CNTNAP5: variants seen among roughly 807,000 people sequenced by gnomAD.
CNTNAP5 encodes contactin associated protein family member 5, also known as contactin-associated protein-like 5.
In CNTNAP5, 72 loss-of-function variants were observed where a neutral mutation model predicts 150.2. That is an observed-to-expected ratio of 0.48 (90% confidence interval 0.40 to 0.58). The LOEUF (loss-of-function observed/expected upper bound fraction) is 0.58. Among genes scored for constraint, CNTNAP5 ranks in the 20% least tolerant of loss-of-function variants. The probability of loss-of-function intolerance (pLI) is 0.00; values close to 1 mark genes in which losing one functional copy is unlikely to be tolerated. For synonymous variants in CNTNAP5, 672 were observed against 619.8 expected (o/e 1.08, Z -1.25); for missense variants, 1,636 against 1,626.2 (o/e 1.01, Z -0.10).
rs144992839 is a variant in CNTNAP5, at chr2:124,253,536, A to G, written c.381+11143A>G. ...AAAGCAACAATTGCAATTCTTCGAGACAATTATAATTCATTGCTTTCCCTA... is the reference window on the plus strand; with the variant it reads ...AAAGCAACAATTGCAATTCTTCGAGGCAATTATAATTCATTGCTTTCCCTA... On this transcript the variant is annotated intron_variant, in intron 3 of 23. Transcript: ENST00000682447. 1.9e-3 allele frequency among the ~76,000 whole-genome samples: 293 copies of G among 152,318 alleles called. 1 individual carries two copies. Among genetic ancestry groups the G allele is most frequent in the African/African-American group, 6.6e-3 (276 of 41,582 alleles).
chr2:124,879,728 A>T (rs1677929497), intron 21 of CNTNAP5, among the ~76,000 whole-genome samples: 1 of 152,130 alleles, frequency 6.6e-6, no homozygotes, highest in Admixed American at 6.6e-5. Context: ...TGTTAATAAG[A>T]TCATACAACC....
At chr2:124,515,654 T>C (rs1415885910) in intron 8 of CNTNAP5, among the ~76,000 whole-genome samples, 4 of 152,284 alleles carry the variant, frequency 2.6e-5, no homozygotes, top group African/African-American at 9.6e-5. Context: ...ACACGAAAAC[T>C]TGGCCTTGGA....
chr2:124,110,691 G>A lies in CNTNAP5; in HGVS notation c.82+84959G>A, dbSNP rs75417943. Among the ~76,000 whole-genome samples, 561 of 152,302 alleles carry A rather than the reference G, an allele frequency of 3.7e-3. 5 individuals carry two copies. Among genetic ancestry groups the A allele is most frequent in the African/African-American group, 0.013 (533 of 41,564 alleles). On this transcript the variant is annotated intron_variant, in intron 1 of 23. Transcript: ENST00000682447. ...TATAGACAATAAAACTGAGGCTCAA[G>A]TAGCTTAGGTAGTTTCCGAGGGCCA... is the stretch of plus-strand genomic sequence containing the variant.
chr2:124,097,135 T>C (rs1682956421), intron 1 of CNTNAP5, among the ~76,000 whole-genome samples: 1 of 152,212 alleles, frequency 6.6e-6, no homozygotes, highest in Admixed American at 6.5e-5. Context: ...TGTTTACATA[T>C]ATTATCTCCT....
At chr2:124,245,074 C>T (rs138104300) in intron 3 of CNTNAP5, among the ~76,000 whole-genome samples, 2 of 152,054 alleles carry the variant, frequency 1.3e-5, no homozygotes, top group African/African-American at 4.8e-5. Context: ...ATTTACTTTT[C>T]TCACCTCAAA....
intron 1 of CNTNAP5, among the ~76,000 whole-genome samples, chr2:124,100,115 A>G (rs986295977): frequency 1.4e-5 from 2 of 145,042 alleles, no homozygotes; most frequent in African/African-American, 5.0e-5. Flanking sequence ...AGGCCTCAGG[A>G]AGCTTCCAAT....
rs189433480 is a variant in CNTNAP5 at position 124,172,862 on chromosome 2, T to G, written c.83-48843T>G. Reference sequence around the variant, plus strand: ...CAGTAATATATACAGGGCACCTCACTTTTTTGCACTCTGCTTTATTTCACT... The same window carrying G: ...CAGTAATATATACAGGGCACCTCACGTTTTTGCACTCTGCTTTATTTCACT... On this transcript the variant is annotated intron_variant, in intron 1 of 23. Transcript: ENST00000682447. Among the ~76,000 whole-genome samples the G allele has an allele frequency of 2.6e-5, 4 of 152,226 alleles. No homozygotes were observed. In the East Asian group the frequency reaches 7.7e-4, roughly 29 times the overall value.
At chr2:124,545,454 C>A (rs1040120724) in intron 10 of CNTNAP5, among the ~76,000 whole-genome samples, 1 of 152,008 alleles carries the variant, frequency 6.6e-6, no homozygotes, top group Non-Finnish European at 1.5e-5. Context: ...TTTGGAAAAC[C>A]TAAGAAGCTA....
At chr2:124,848,177 G>A (rs568675645) in intron 19 of CNTNAP5, among the ~76,000 whole-genome samples, 88 of 151,976 alleles carry the variant, frequency 5.8e-4, no homozygotes, top group Non-Finnish European at 1.1e-3. Flanking sequence ...ACATCCTCTC[G>A]TTTCCCCAAA....
At chr2:124,551,380 G>A (rs1282800628) in intron 10 of CNTNAP5, among the ~76,000 whole-genome samples, 2 of 152,102 alleles carry the variant, frequency 1.3e-5, no homozygotes, top group African/African-American at 4.8e-5. Flanking sequence ...ATCCAACTGT[G>A]GGGGTAAAAT....
At chr2:124,283,708 T>C (rs941879541) in intron 3 of CNTNAP5, among the ~76,000 whole-genome samples, 2 of 152,182 alleles carry the variant, frequency 1.3e-5, no homozygotes, top group African/African-American at 4.8e-5. Context: ...AAGCAATATA[T>C]TTATTTGCTT....
chr2:124,321,118 C>T (rs1400068291), intron 3 of CNTNAP5, among the ~76,000 whole-genome samples: 1 of 152,076 alleles, frequency 6.6e-6, no homozygotes, highest in Non-Finnish European at 1.5e-5. Context: ...TGTAAGGATG[C>T]AGAGGAAATT....
intron 3 of CNTNAP5, among the ~76,000 whole-genome samples, chr2:124,335,490 A>C (rs956440877): frequency 6.6e-6 from 1 of 151,400 alleles, no homozygotes; most frequent in African/African-American, 2.4e-5. Flanking sequence ...TTATACACCA[A>C]AGTTCTTTTT....
chr2:124,121,990 C>G (rs766092783), intron 1 of CNTNAP5, among the ~76,000 whole-genome samples: 4 of 152,164 alleles, frequency 2.6e-5, no homozygotes, highest in Non-Finnish European at 5.9e-5. Context: ...CTCCTCAGCT[C>G]TTTAGCAAGC....
chr2:124,852,019 A>G (rs561379489), intron 19 of CNTNAP5, among the ~76,000 whole-genome samples: 30 of 152,298 alleles, frequency 2.0e-4, no homozygotes, highest in Middle Eastern at 6.8e-3. Context: ...AGAGGAGAGG[A>G]CACAAAGGAG....
Position 124,898,939 on chromosome 2 carries a change from G to A in CNTNAP5, c.3437-3943G>A, listed in dbSNP as rs150030595. Among the ~76,000 whole-genome samples the A allele has an allele frequency of 2.8e-3, 428 of 151,594 alleles. 23 individuals are homozygous for A. The highest frequency in any genetic ancestry group is 0.01 in the African/African-American group (414 of 40,964). On this transcript the variant is annotated intron_variant, in intron 21 of 23. Transcript: ENST00000682447. ...AACATTTAGTTAGACTGGAGAATAA[G>A]TTCTGGAGAAAAAATTCAAGGGACC...
intron 10 of CNTNAP5, among the ~76,000 whole-genome samples, chr2:124,556,686 C>T (rs1408107431): frequency 1.3e-5 from 2 of 152,036 alleles, no homozygotes; most frequent in East Asian, 1.9e-4. Context: ...GTCAGGACAG[C>T]TTCTGAAGGC....
chr2:124,629,951 A>AAAAAAAAAAAAAAAAC (rs1422707257), intron 12 of CNTNAP5, among the ~76,000 whole-genome samples: 1 of 148,794 alleles, frequency 6.7e-6, no homozygotes, highest in Non-Finnish European at 1.5e-5. Context: ...AAAAAAAAAA[A>AAAAAAAAAAAAAAAAC]AAAACTGGAA....
At chr2:124,205,259 A>G (rs1321023605) in intron 1 of CNTNAP5, among the ~76,000 whole-genome samples, 1 of 151,976 alleles carries the variant, frequency 6.6e-6, no homozygotes, top group Non-Finnish European at 1.5e-5. Context: ...ATGAGATCTG[A>G]TGGTTTTATA....
Sources: gnomAD v4.1 joint callset for allele counts (sites outside exome capture counted in the v4.1 genomes callset) on GRCh38, gnomAD v4.1.1 for gene constraint, MANE v1.5 for transcripts, NCBI Gene and HGNC (gene_info 2026-07-23, HGNC 2026-07-21) for gene names.